TSPAN32: variants seen among roughly 807,000 people sequenced by gnomAD.
TSPAN32 encodes the protein tetraspanin-32.
TSPAN32 carries 47 observed loss-of-function variants against 42.7 expected under a neutral mutation model. The ratio of observed to expected loss-of-function variants is 1.10; its 90% confidence interval spans 0.87 to 1.40. TSPAN32 has a LOEUF of 1.40. TSPAN32 is among the 40% of genes most tolerant of loss of function. The pLI is 0.00. For missense variants in TSPAN32, 469 were observed against 424.1 expected (o/e 1.11, Z -0.93); for synonymous variants, 175 against 175.9 (o/e 0.99, Z 0.04).
intron 3 of TSPAN32, among the ~76,000 whole-genome samples, chr11:2,306,309 C>A (rs1383505179): frequency 6.6e-6 from 1 of 152,132 alleles, no homozygotes; most frequent in Non-Finnish European, 1.5e-5. Flanking sequence ...GCCTCTCGCA[C>A]AGGAAATGAA....
intron 3 of TSPAN32, among the ~76,000 whole-genome samples, chr11:2,307,789 G>A (rs1199151252): frequency 1.3e-5 from 2 of 152,162 alleles, no homozygotes; most frequent in Non-Finnish European, 2.9e-5. Flanking sequence ...GCATCAGTGA[G>A]AGAGAGGGGA....
intron 3 of TSPAN32, among the ~76,000 whole-genome samples, chr11:2,305,799 C>T (rs941862068): frequency 1.3e-5 from 2 of 152,194 alleles, no homozygotes; most frequent in African/African-American, 4.8e-5. Flanking sequence ...TGAGGACACT[C>T]CAGTCCCAGC....
chr11:2,303,210 C>T (rs10831733), intron 2 of TSPAN32, among the ~76,000 whole-genome samples: 51,851 of 151,944 alleles, frequency 0.34, 9,211 homozygotes, highest in South Asian at 0.4. Context: ...GGGTATATGT[C>T]GGGCAGGGTC....
chr11:2,309,399 G>A (rs953348494), intron 4 of TSPAN32: 19 of 466,930 alleles, frequency 4.1e-5, no homozygotes, highest in East Asian at 7.0e-5. Flanking sequence ...GGCCAAGGGC[G>A]TCCCCGTGGA....
intron 5 of TSPAN32, among the ~76,000 whole-genome samples, chr11:2,314,225 G>A (rs1848649516): frequency 6.6e-6 from 1 of 152,044 alleles, no homozygotes; most frequent in Non-Finnish European, 1.5e-5. Flanking sequence ...CCTGTGAACA[G>A]GGCGGGGAAG....
chr11:2,307,578 G>A (rs1848192808), intron 3 of TSPAN32, among the ~76,000 whole-genome samples: 1 of 152,196 alleles, frequency 6.6e-6, no homozygotes, highest in Non-Finnish European at 1.5e-5. Flanking sequence ...CTTAGCCTGG[G>A]TGACCTCTGC....
rs2234310 is a variant in TSPAN32, at chr11:2,316,808, G to A, written c.719+141G>A. 0.043 allele frequency: 39,479 copies of A among 915,092 alleles called. 1,467 individuals are homozygous for A. Among genetic ancestry groups the A allele is most frequent in the African/African-American group, 0.15 (8,726 of 59,424 alleles). 56.7% of individuals were successfully genotyped at this position (915,092 alleles called of 1,614,324 possible). ...CTGTAGAGGAAACGCTTTGGGGGTG[G>A]CTGAGCACCAGGGTGGGGTGGGAGA... On this transcript the variant is annotated intron_variant, in intron 8 of 9. Coordinates refer to ENST00000182290, the MANE Select transcript of TSPAN32 (RefSeq NM_139022.3).
rs1847980766 is a variant in TSPAN32 at position 2,304,792 on chromosome 11, TC to T, written c.279+592del. On this transcript the variant is annotated intron_variant, in intron 3 of 9. Transcript: ENST00000182290. This position sits in a 1 kb window ranked among gnomAD's most constrained non-coding sequence, Gnocchi z 4.8. ...CTCTTGTCACCCTCATTCCTACTCC[TC>T]CCCATGGGCTTCTGTCTTGGTCCCT... Among the ~76,000 whole-genome samples, 1 of 147,718 alleles carries T rather than the reference TC, an allele frequency of 6.8e-6. No individual in the cohort carries two copies. The highest frequency in any genetic ancestry group is 2.3e-4 in the South Asian group (1 of 4,384).
chr11:2,309,649 A>C (rs1374385765), intron 4 of TSPAN32: 1 of 280,366 alleles, frequency 3.6e-6, no homozygotes, highest in African/African-American at 2.2e-5. Flanking sequence ...CGTGTATTCA[A>C]GTGCCTGGTT....
At chr11:2,302,665 G>GA (rs1306825086) in intron 1 of TSPAN32, 179 bp from the exon 2 acceptor site, 1 of 608,088 alleles carries the variant, frequency 1.6e-6, no homozygotes, top group Non-Finnish European at 2.9e-6. Flanking sequence ...GTGTGCTGGG[G>GA]CGTCTGCAGT....
Position 2,316,247 on chromosome 11 carries a change from C to T in TSPAN32, c.562C>T (p.Arg188Trp), listed in dbSNP as rs376763237. ...CTCACAGGACTGCCTTCAGGGCATC[C>T]GGAGCTTCCTGAGGACACACCAGCA... ...AAREDCLQGI[R>W]SFLRTHQQVA... Residue 188 changes from arginine (R) to tryptophan (W), a missense_variant, in exon 7 of 10, where the codon CGG becomes TGG. Transcript: ENST00000182290. The T allele has an allele frequency of 4.2e-5, 67 of 1,596,256 alleles. No homozygotes were observed. The highest frequency in any genetic ancestry group is 5.5e-5 in the Non-Finnish European group (64 of 1,172,926).
At chr11:2,315,149 C>A in intron 6 of TSPAN32, 1 of 769,096 alleles carries the variant, frequency 1.3e-6, no homozygotes, top group Non-Finnish European at 1.7e-6. Context: ...TCTCCTGGTG[C>A]CCGGCAGCCC....
chr11:2,308,894 A>G, intron 4 of TSPAN32, 84 bp downstream of exon 4: 1 of 922,116 alleles, frequency 1.1e-6, no homozygotes, highest in Non-Finnish European at 1.7e-6. Context: ...CAGTCCTGGG[A>G]GGAGCAGCCC....
intron 5 of TSPAN32, 96 bp from the exon 6 acceptor site, chr11:2,314,389 C>T (rs1848656038): frequency 1.0e-6 from 1 of 991,746 alleles, no homozygotes; most frequent in Non-Finnish European, 1.6e-6. Flanking sequence ...GGGAACCCCA[C>T]CTGGATACTT....
chr11:2,314,584 C>T lies in TSPAN32; in HGVS notation c.543+13C>T. The T allele has an allele frequency of 1.9e-6, 3 of 1,597,468 alleles. No individual in the cohort carries two copies. The highest frequency in any genetic ancestry group is 2.6e-6 in the Non-Finnish European group (3 of 1,171,596). Reference sequence around the variant, plus strand: ...GGCGGCGAGAGAGGTGAGGGGGGGACCTGGATGCTGGCCAGGCAAGACCCT... The same window carrying T: ...GGCGGCGAGAGAGGTGAGGGGGGGATCTGGATGCTGGCCAGGCAAGACCCT... On this transcript the variant is annotated intron_variant, in intron 6 of 9. Transcript: ENST00000182290.
At chr11:2,316,503 A>G in intron 7 of TSPAN32, 73 bp from the exon 8 acceptor site, 1 of 1,607,316 alleles carries the variant, frequency 6.2e-7, no homozygotes, top group Non-Finnish European at 8.5e-7. Flanking sequence ...TACACTGCAG[A>G]GTCCTGATGC....
intron 5 of TSPAN32, among the ~76,000 whole-genome samples, chr11:2,314,041 C>G (rs1350421275): frequency 6.6e-6 from 1 of 151,550 alleles, no homozygotes; most frequent in Non-Finnish European, 1.5e-5. Flanking sequence ...AATACGGGGC[C>G]GAACATAGTG....
intron 1 of TSPAN32, 91 bp downstream of exon 1, chr11:2,302,306 C>G (rs1160133415): frequency 9.6e-6 from 12 of 1,246,524 alleles, no homozygotes; most frequent in Non-Finnish European, 1.3e-5. Context: ...TATCCCTCCC[C>G]TGACACACAC....
At chr11:2,309,433 G>A in intron 4 of TSPAN32, 1 of 453,748 alleles carries the variant, frequency 2.2e-6, no homozygotes, top group Non-Finnish European at 4.5e-6. Flanking sequence ...TGGAGAGGAA[G>A]GAGGCCTCCC....
Sources: gnomAD v4.1 joint callset for allele counts (sites outside exome capture counted in the v4.1 genomes callset) on GRCh38, gnomAD v4.1.1 for gene constraint, Gnocchi (gnomAD v3.1) non-coding constraint, MANE v1.5 for transcripts, NCBI Gene and HGNC (gene_info 2026-07-23, HGNC 2026-07-21) for gene names.